Variants in SIRT4 observed in about 807,000 individuals in gnomAD.
SIRT4 encodes the protein sirtuin 4.
In SIRT4, 23 loss-of-function variants were observed where a neutral mutation model predicts 26.1. That is an observed-to-expected ratio of 0.88 (90% CI 0.63 to 1.25). The LOEUF is 1.25. Ranked by LOEUF, SIRT4 falls within the 50% of genes most tolerant of loss-of-function variation. SIRT4 has a pLI of 0.00. For missense variants in SIRT4, 361 were observed against 405.4 expected (o/e 0.89, Z 0.94); for synonymous variants, 155 against 158.4 (o/e 0.98, Z 0.16).
chr12:120,309,171 A>G, intron 2 of SIRT4, among the ~76,000 whole-genome samples: 1 of 152,100 alleles, frequency 6.6e-6, no homozygotes, highest in East Asian at 1.9e-4. Context: ...GACAAGAGTG[A>G]AACTCTGTCT....
the SIRT4 span, chr12:120,291,857 G>T: frequency 6.6e-6 from 1 of 152,066 alleles, no homozygotes; most frequent in African/African-American, 2.4e-5. Context: ...CAATAATCGC[G>T]CCTCGGATAA....
upstream of SIRT4, among the ~76,000 whole-genome samples, chr12:120,301,094 C>G (rs1872524668): frequency 6.6e-6 from 1 of 152,202 alleles, no homozygotes; most frequent in Non-Finnish European, 1.5e-5. Flanking sequence ...CGCCTGTAAT[C>G]CCAGTACTTT....
chr12:120,304,324 C>G (rs12424555), intron 2 of SIRT4, among the ~76,000 whole-genome samples: 43 of 152,114 alleles, frequency 2.8e-4, no homozygotes, highest in African/African-American at 1.0e-3. Context: ...CTCCAACTGT[C>G]TAGGACATGC....
intron 2 of SIRT4, among the ~76,000 whole-genome samples, chr12:120,305,752 C>A (rs1271357993): frequency 6.6e-6 from 1 of 152,200 alleles, no homozygotes; most frequent in Non-Finnish European, 1.5e-5. Flanking sequence ...GCGGCTCACG[C>A]CTGTAATCCC....
At chr12:120,308,423 T>C (rs1872829965) in intron 2 of SIRT4, among the ~76,000 whole-genome samples, 1 of 152,086 alleles carries the variant, frequency 6.6e-6, no homozygotes, top group Non-Finnish European at 1.5e-5. Context: ...TCCGCCTGCC[T>C]CGGCCTCCCA....
intron 2 of SIRT4, among the ~76,000 whole-genome samples, chr12:120,304,831 ATATATTTTTTTT>A (rs1464160718): frequency 2.5e-3 from 14 of 5,610 alleles, no homozygotes; most frequent in African/African-American, 6.9e-3. Flanking sequence ...ATATATATAT[ATATATTTTTTTT>A]TTTTTTTTTT....
intron 2 of SIRT4, among the ~76,000 whole-genome samples, chr12:120,304,801 TTTTATATA>T (rs1872674455): frequency 1.8e-5 from 1 of 56,004 alleles, no homozygotes; most frequent in East Asian, 4.0e-4. Flanking sequence ...GTAAAGTAAA[TTTTATATA>T]TATATATATA....
At chr12:120,291,871 T>C in the SIRT4 span, 1 of 152,138 alleles carries the variant, frequency 6.6e-6, no homozygotes, top group South Asian at 2.1e-4. Context: ...CGGATAAACC[T>C]CATTGGCTAC....
At chr12:120,291,783 A>T in the SIRT4 span, 1 of 152,182 alleles carries the variant, frequency 6.6e-6, no homozygotes, top group Non-Finnish European at 1.5e-5. Context: ...GACTGTCAAA[A>T]ATTGCCAATG....
chr12:120,292,443 A>G, the SIRT4 span, among the ~76,000 whole-genome samples: 1 of 152,124 alleles, frequency 6.6e-6, no homozygotes, highest in South Asian at 2.1e-4. Context: ...GCTACTAAAA[A>G]TACAAAAAAA....
chr12:120,305,028 C>T (rs928519183), intron 2 of SIRT4, among the ~76,000 whole-genome samples: 5 of 151,294 alleles, frequency 3.3e-5, no homozygotes, highest in Non-Finnish European at 7.4e-5. Context: ...GTGGCACGCA[C>T]CTGTAATTCC....
At chr12:120,304,833 ATATTTTTTTTT>A (rs1336779174) in intron 2 of SIRT4, among the ~76,000 whole-genome samples, 1,300 of 8,198 alleles carry the variant, frequency 0.16, 52 homozygotes, top group African/African-American at 0.29. Context: ...ATATATATAT[ATATTTTTTTTT>A]TTTTTTTTTT....
chr12:120,305,282 ACT>A (rs1872709830), intron 2 of SIRT4, among the ~76,000 whole-genome samples: 3 of 149,306 alleles, frequency 2.0e-5, no homozygotes, highest in Admixed American at 2.0e-4. Flanking sequence ...ACAGGCTTTC[ACT>A]CTGTCACACA....
At chr12:120,301,654 TA>T (rs912600146), upstream of SIRT4, among the ~76,000 whole-genome samples, 1 of 150,418 alleles carries the variant, frequency 6.6e-6, no homozygotes, top group Non-Finnish European at 1.5e-5. Context: ...ACAAAAACTT[TA>T]AAAAAAAGTC....
chr12:120,299,549 C>A (rs1353248936), upstream of SIRT4, among the ~76,000 whole-genome samples: 7 of 130,796 alleles, frequency 5.4e-5, no homozygotes, highest in African/African-American at 5.7e-5. Context: ...TAGACTCTCT[C>A]AAAAAAAAAA....
At position 120,313,158 on chromosome 12, in the gene SIRT4, A is replaced by G. The variant is rs1346270110; in HGVS notation, c.*122A>G. On this transcript the variant is annotated 3_prime_UTR_variant, in exon 4 of 4. Coordinates refer to ENST00000202967, the MANE Select transcript of SIRT4 (RefSeq NM_012240.3). ...TTCAACAGAGTAGGGTGCACTGACA[A>G]AGTATAGAAGGTTCTAGGTATCTTA... The G allele has an allele frequency of 9.3e-7, 1 of 1,069,572 alleles. No homozygotes were observed. Among genetic ancestry groups the G allele is most frequent in the African/African-American group, 1.6e-5 (1 of 63,280 alleles). The allele number at this position is 1,069,572 out of a possible 1,614,324, so 66.3% of individuals were successfully genotyped here.
chr12:120,311,080 C>G (rs1313343711), intron 2 of SIRT4, among the ~76,000 whole-genome samples: 1 of 143,502 alleles, frequency 7.0e-6, no homozygotes, highest in African/African-American at 2.5e-5. Flanking sequence ...AAAAATAGGC[C>G]GGGCGCAGTG....
chr12:120,313,219 T>A lies in SIRT4; in HGVS notation c.*183T>A, dbSNP rs142538113. 1,751 of 652,366 alleles carry A rather than the reference T, an allele frequency of 2.7e-3. 19 individuals are homozygous for A. The African/African-American group carries it at 0.028, about 10-fold the overall frequency. 40.4% of individuals were successfully genotyped at this position (652,366 alleles called of 1,614,324 possible). A position where few individuals can be genotyped will look rare whatever the true frequency, so the allele number is the denominator to read the frequency against. On this transcript the variant is annotated 3_prime_UTR_variant, in exon 4 of 4. Coordinates refer to ENST00000202967, the MANE Select transcript of SIRT4 (RefSeq NM_012240.3). The stretch of plus-strand genomic sequence containing the variant: ...ATTCTTAATTAAAACTCATTTTTTT[T>A]AAATAAAAAATTGTTCAGCTTTATA...
chr12:120,312,362 TG>T (rs1307210247), intron 2 of SIRT4, 93 bp from the exon 3 acceptor site: 2 of 1,179,166 alleles, frequency 1.7e-6, no homozygotes, highest in Admixed American at 4.6e-5. Flanking sequence ...AAAGCAGCGA[TG>T]GAAGGGCTGA....
Sources: gnomAD v4.1 joint callset for allele counts (sites outside exome capture counted in the v4.1 genomes callset) on GRCh38, gnomAD v4.1.1 for gene constraint, MANE v1.5 for transcripts, NCBI Gene and HGNC (gene_info 2026-07-23, HGNC 2026-07-21) for gene names.